Variants in SOX5 observed in about 807,000 individuals in gnomAD.
SOX5 encodes the protein SRY-box transcription factor 5.
In SOX5, 9 loss-of-function variants were observed where a neutral mutation model predicts 92.0. That is an observed-to-expected ratio of 0.10 (90% CI 0.06 to 0.17). The LOEUF is 0.17. Among genes scored for constraint, SOX5 ranks in the 10% least tolerant of loss-of-function variants. SOX5 has a pLI of 1.00. For missense variants in SOX5, 642 were observed against 944.5 expected (o/e 0.68, Z 4.20); for synonymous variants, 344 against 336.3 (o/e 1.02, Z -0.25).
chr12:23,747,231 T>A (rs1206620901), intron 4 of SOX5, among the ~76,000 whole-genome samples: 3 of 152,244 alleles, frequency 2.0e-5, no homozygotes, highest in African/African-American at 7.2e-5. Flanking sequence ...AGTCTCTGTA[T>A]CTCATTTCCA....
At chr12:24,498,807 C>T (rs1255354017) in intron 1 of SOX5, among the ~76,000 whole-genome samples, 2 of 152,176 alleles carry the variant, frequency 1.3e-5, no homozygotes, top group Non-Finnish European at 2.9e-5. Flanking sequence ...ACAATCTGGC[C>T]TCTACCCACC....
intron 5 of SOX5, among the ~76,000 whole-genome samples, chr12:23,739,268 A>G (rs563685119): frequency 4.6e-5 from 7 of 152,114 alleles, no homozygotes; most frequent in Non-Finnish European, 8.8e-5. Flanking sequence ...AGCTGAAACT[A>G]TATCACCTCC....
chr12:23,666,933 G>A (rs953978317), intron 6 of SOX5, among the ~76,000 whole-genome samples: 2 of 151,988 alleles, frequency 1.3e-5, no homozygotes, highest in African/African-American at 4.8e-5. Context: ...GCGTTCTTAC[G>A]ATTCTTACAG....
At chr12:23,861,344 G>C (rs1271891902) in intron 2 of SOX5, among the ~76,000 whole-genome samples, 2 of 152,116 alleles carry the variant, frequency 1.3e-5, no homozygotes, top group Non-Finnish European at 2.9e-5. Context: ...TGTGACTACA[G>C]GTGACAGTAT....
chr12:24,316,187 A>G (rs544148631), intron 2 of SOX5, among the ~76,000 whole-genome samples: 3 of 152,318 alleles, frequency 2.0e-5, no homozygotes, highest in Admixed American at 6.5e-5. Flanking sequence ...ATGATTTTCA[A>G]GTGGCTGGTT....
chr12:24,127,125 T>A (rs1949180021), intron 4 of SOX5, among the ~76,000 whole-genome samples: 1 of 151,976 alleles, frequency 6.6e-6, no homozygotes, highest in Non-Finnish European at 1.5e-5. Flanking sequence ...CAGTGGCTCA[T>A]GCCTGTGATC....
chr12:24,362,895 T>C (rs975609237), intron 2 of SOX5, among the ~76,000 whole-genome samples: 6 of 149,652 alleles, frequency 4.0e-5, no homozygotes, highest in African/African-American at 1.5e-4. Context: ...GGAGGGCTAT[T>C]AGCATAACAG....
chr12:23,697,342 T>C (rs949213987), intron 6 of SOX5, among the ~76,000 whole-genome samples: 1 of 152,246 alleles, frequency 6.6e-6, no homozygotes, highest in African/African-American at 2.4e-5. Flanking sequence ...ATAATATTCC[T>C]AGCTCTGAAA....
At chr12:23,860,966 A>AC (rs1436805208) in intron 2 of SOX5, among the ~76,000 whole-genome samples, 9,169 of 147,992 alleles carry the variant, frequency 0.062, 1,135 homozygotes, top group East Asian at 0.52. Context: ...AAAAAAAAAA[A>AC]AAAAAAAAAA....
Position 23,545,914 on chromosome 12 carries a change from C to A in SOX5, c.1597+402G>T, listed in dbSNP as rs577100628. Among the ~76,000 whole-genome samples the A allele has an allele frequency of 2.0e-5, 3 of 151,798 alleles. No homozygotes were observed. The East Asian group carries it at 5.8e-4, about 29-fold the overall frequency. On this transcript the variant is annotated intron_variant, in intron 12 of 14. Coordinates refer to ENST00000451604, the MANE Select transcript of SOX5 (RefSeq NM_006940.6). Reference sequence around the variant, plus strand: ...AAATTGCTGGGCATGTTGGCATGCACCTATAATCCCAGCTACTTGGGAGGC... The same window carrying A: ...AAATTGCTGGGCATGTTGGCATGCAACTATAATCCCAGCTACTTGGGAGGC...
At position 23,860,952 on chromosome 12, in the gene SOX5, T is replaced by TAAAAAAAAA. The variant is rs71059935; in HGVS notation, c.271-14768_271-14760dup. On this transcript the variant is annotated intron_variant, in intron 2 of 14. Coordinates refer to ENST00000451604, the MANE Select transcript of SOX5 (RefSeq NM_006940.6). ...ATTTTGAAACACAAAGTATATTTTG[T>TAAAAAAAAA]AAAAAAAAAAAAAAAAAAAAAAAAA... 8.7e-4 allele frequency among the ~76,000 whole-genome samples: 40 copies of TAAAAAAAAA among 45,792 alleles called. 1 individual carries two copies. Among genetic ancestry groups the TAAAAAAAAA allele is most frequent in the African/African-American group, 3.1e-3 (37 of 12,030 alleles). 30.0% of individuals were successfully genotyped at this position (45,792 alleles called of 152,430 possible).
chr12:24,359,282 T>C (rs903283648), intron 2 of SOX5, among the ~76,000 whole-genome samples: 9 of 152,200 alleles, frequency 5.9e-5, no homozygotes, highest in African/African-American at 2.2e-4. Context: ...TGATTCAAAA[T>C]ATCATTTTGA....
At chr12:24,077,737 T>C (rs1028300983) in intron 4 of SOX5, among the ~76,000 whole-genome samples, 1 of 147,990 alleles carries the variant, frequency 6.8e-6, no homozygotes. Context: ...ATTACTAATT[T>C]ATACAAGGTG....
chr12:23,958,605 TA>T (rs1946538476), intron 4 of SOX5, among the ~76,000 whole-genome samples: 1 of 151,928 alleles, frequency 6.6e-6, no homozygotes, highest in Non-Finnish European at 1.5e-5. Flanking sequence ...GTCTTTTGAT[TA>T]CAAACCTAGT....
chr12:23,970,840 A>AT, intron 4 of SOX5, among the ~76,000 whole-genome samples: 25,232 of 32,094 alleles, frequency 0.79, 11,316 homozygotes, highest in East Asian at 0.94. Context: ...ATATATATAT[A>AT]ATTTTTTTTT....
intron 2 of SOX5, among the ~76,000 whole-genome samples, chr12:23,887,474 T>C (rs1435862124): frequency 1.3e-5 from 2 of 152,156 alleles, no homozygotes; most frequent in Non-Finnish European, 2.9e-5. Context: ...AAGTAATCCT[T>C]CCTTAATGCA....
chr12:24,287,592 C>CTTTTTTTTT (rs763973565), intron 2 of SOX5, among the ~76,000 whole-genome samples: 4 of 79,672 alleles, frequency 5.0e-5, no homozygotes, highest in Non-Finnish European at 4.7e-5. Flanking sequence ...TTCTCAAATC[C>CTTTTTTTTT]TTTTTTTTTT....
At chr12:23,642,919 C>A (rs1320640827) in intron 7 of SOX5, among the ~76,000 whole-genome samples, 1 of 128,054 alleles carries the variant, frequency 7.8e-6, no homozygotes, top group African/African-American at 2.6e-5. Context: ...AACCCCGTCT[C>A]TACTAAAAAT....
At chr12:24,129,727 G>A (rs942872095) in intron 4 of SOX5, among the ~76,000 whole-genome samples, 2 of 152,156 alleles carry the variant, frequency 1.3e-5, no homozygotes, top group Non-Finnish European at 2.9e-5. Flanking sequence ...AATCAAACTA[G>A]TTTATCTCAC....
Sources: gnomAD v4.1 joint callset for allele counts (sites outside exome capture counted in the v4.1 genomes callset) on GRCh38, gnomAD v4.1.1 for gene constraint, MANE v1.5 for transcripts, NCBI Gene and HGNC (gene_info 2026-07-23, HGNC 2026-07-21) for gene names.